BRAP: variants seen among roughly 807,000 people sequenced by gnomAD.
BRAP encodes the protein BRCA1-associated protein.
In BRAP, 42 loss-of-function variants were observed where a neutral mutation model predicts 73.4. That is an observed-to-expected ratio of 0.57 (90% CI 0.45 to 0.74). BRAP has a LOEUF of 0.74. BRAP is among the 30% of genes least tolerant of loss of function. The pLI, the probability that BRAP is intolerant of heterozygous loss-of-function variation, is 0.00. For synonymous variants in BRAP, 255 were observed against 267.4 expected (o/e 0.95, Z 0.45); for missense variants, 593 against 751.4 (o/e 0.79, Z 2.46).
chr12:111,682,705 A>T (rs373638513), intron 2 of BRAP, among the ~76,000 whole-genome samples: 1 of 151,990 alleles, frequency 6.6e-6, no homozygotes, highest in Non-Finnish European at 1.5e-5. Flanking sequence ...TGAGACCAGG[A>T]GTATGAGACC....
At chr12:111,655,855 C>T (rs1308404799) in intron 9 of BRAP, among the ~76,000 whole-genome samples, 200 bp from the exon 10 acceptor site, 2 of 152,196 alleles carry the variant, frequency 1.3e-5, no homozygotes, top group Non-Finnish European at 2.9e-5. Flanking sequence ...CTTCCTGGGG[C>T]TTACAATCTA....
intron 6 of BRAP, among the ~76,000 whole-genome samples, chr12:111,660,974 T>A (rs867596725): frequency 1.3e-5 from 2 of 151,974 alleles, no homozygotes; most frequent in Middle Eastern, 6.8e-3. Context: ...CATGTCTGAT[T>A]ATTTATAATT....
intron 5 of BRAP, among the ~76,000 whole-genome samples, chr12:111,670,619 T>G (rs7959261): frequency 1.3e-5 from 2 of 152,104 alleles, no homozygotes; most frequent in Non-Finnish European, 2.9e-5. Flanking sequence ...GCCTCCGGAG[T>G]AGCTGAGACT....
rs1226861863 is a variant in BRAP at position 111,683,270 on chromosome 12, T to C, written c.120A>G (p.Thr40=). 1 of 1,612,914 alleles carries C rather than the reference T, an allele frequency of 6.2e-7. No individual in the cohort carries two copies. Among genetic ancestry groups the C allele is most frequent in the African/African-American group, 1.3e-5 (1 of 74,818 alleles). The change falls in exon 2 of 12, where the codon ACA becomes ACG. Residue 40 remains threonine, a synonymous_variant. Coordinates refer to ENST00000419234, the MANE Select transcript of BRAP (RefSeq NM_006768.5). ...CTAAACAGGCTACAGCTGAGGCTAG[T>C]GTCGTCTTTTTTATCTCCTCATCAG... ...EMSDEEIKKT[T]LASAVACLEG...
Position 111,665,938 on chromosome 12 carries a change from G to T in BRAP, c.748-151C>A. ...GCTCATTACAGCCTTGACCTCCCAG[G>T]CTCAAGAGATCTGCCCACCTCAGGC... On this transcript the variant is annotated intron_variant, in intron 5 of 11. Transcript: ENST00000419234. This position sits in a 1 kb window ranked among gnomAD's most constrained non-coding sequence, Gnocchi z 4.3. 1 of 1,095,612 alleles carries T rather than the reference G, an allele frequency of 9.1e-7. No individual in the cohort carries two copies. Among genetic ancestry groups the T allele is most frequent in the Non-Finnish European group, 1.3e-6 (1 of 773,222 alleles). 67.9% of individuals were successfully genotyped at this position (1,095,612 alleles called of 1,614,324 possible).
intron 11 of BRAP, 85 bp from the exon 12 acceptor site, chr12:111,644,647 C>G (rs1418400648): frequency 6.5e-7 from 1 of 1,538,404 alleles, no homozygotes; most frequent in Non-Finnish European, 8.7e-7. Context: ...ACAGAGAAAC[C>G]ATGACCTCAG....
chr12:111,667,516 G>A (rs887713191), intron 5 of BRAP, among the ~76,000 whole-genome samples: 1 of 151,106 alleles, frequency 6.6e-6, no homozygotes, highest in Non-Finnish European at 1.5e-5. Flanking sequence ...CTGGCCAAGA[G>A]GGTGAAACCC....
At chr12:111,649,511 G>A (rs1176765216) in intron 11 of BRAP, among the ~76,000 whole-genome samples, 2 of 152,170 alleles carry the variant, frequency 1.3e-5, no homozygotes, top group Non-Finnish European at 2.9e-5. Flanking sequence ...GAATGTTATC[G>A]CCATGCTGTT....
chr12:111,665,795 A>G lies in BRAP; in HGVS notation c.748-8T>C, dbSNP rs1164024571. On this transcript the variant is annotated splice_polypyrimidine_tract_variant and splice_region_variant and intron_variant, in intron 5 of 11. Coordinates refer to ENST00000419234, the MANE Select transcript of BRAP (RefSeq NM_006768.5). The surrounding 1 kb of genome is among the most constrained non-coding windows in gnomAD (Gnocchi z 4.3). ...CACTGGGAGGCTGGCGCCCTACAGGAAACACCTCACATAAGCCTCACTCTT... is the reference window on the plus strand; with the variant it reads ...CACTGGGAGGCTGGCGCCCTACAGGGAACACCTCACATAAGCCTCACTCTT... The G allele has an allele frequency of 1.9e-6, 3 of 1,614,172 alleles. No individual in the cohort carries two copies. Among genetic ancestry groups the G allele is most frequent in the East Asian group, 2.2e-5 (1 of 44,880 alleles).
chr12:111,670,049 A>G, intron 5 of BRAP: 1 of 628,752 alleles, frequency 1.6e-6, no homozygotes, highest in East Asian at 3.5e-5. Context: ...CTTCATTAAA[A>G]GCTGCTGCTC....
chr12:111,679,381 A>G (rs1887514728), intron 3 of BRAP, 41 bp from the exon 4 acceptor site: 3 of 1,386,000 alleles, frequency 2.2e-6, no homozygotes, highest in Non-Finnish European at 2.9e-6. Flanking sequence ...TAGATGAGGT[A>G]TGGTTAGTTT....
Position 111,685,897 on chromosome 12 carries a change from T to G in BRAP, c.-105A>C. 3.0e-6 allele frequency: 2 copies of G among 665,244 alleles called. No individual in the cohort carries two copies. The highest frequency in any genetic ancestry group is 2.2e-6 in the Non-Finnish European group (1 of 455,244). The allele number at this position is 665,244 out of a possible 1,614,324, so 41.2% of individuals were successfully genotyped here. On this transcript the variant is annotated 5_prime_UTR_variant, in exon 1 of 12. Coordinates refer to ENST00000419234, the MANE Select transcript of BRAP (RefSeq NM_006768.5). Reference sequence around the variant, plus strand: ...GCCGGCAGCGCCGCCACCACCTCAATGCAGTTGCCGCCGCCTCAGCAGCAG... The same window carrying G: ...GCCGGCAGCGCCGCCACCACCTCAAGGCAGTTGCCGCCGCCTCAGCAGCAG...
Position 111,665,623 on chromosome 12 carries a change from C to A in BRAP, c.896+16G>T, listed in dbSNP as rs199656597. On this transcript the variant is annotated intron_variant, in intron 6 of 11. Transcript: ENST00000419234. The surrounding 1 kb of genome is among the most constrained non-coding windows in gnomAD (Gnocchi z 4.3). ...CAATGGGCTTGTACACAGAGGGGTT[C>A]GGCCCCTGCACTCACGTGGTATCGT... The A allele has an allele frequency of 2.5e-6, 4 of 1,613,824 alleles. No homozygotes were observed. The East Asian group carries it at 6.7e-5, about 27-fold the overall frequency.
rs540882658 is a variant in BRAP, at chr12:111,678,967, G to A, written c.633+184C>T. Among the ~76,000 whole-genome samples, 3 of 151,760 alleles carry A rather than the reference G, an allele frequency of 2.0e-5. No homozygotes were observed. The East Asian group carries it at 5.8e-4, about 30-fold the overall frequency. ...CATCTCTACCGAAAAAAAAAAAAGT[G>A]TATACGTTATAATTGTATTTCTGCT... On this transcript the variant is annotated intron_variant, in intron 4 of 11. Transcript: ENST00000419234.
intron 4 of BRAP, chr12:111,673,439 G>A (rs959696071): frequency 2.0e-5 from 3 of 151,134 alleles, no homozygotes. Flanking sequence ...AGGATGCAGA[G>A]GTTGCGATGA....
In BRAP at chr12:111,662,968, CT is replaced by C. The variant is rs1305847442; in HGVS notation, c.897-2294del. The stretch of plus-strand genomic sequence containing the variant: ...TCTAAAAAAAAAAAAAAACAAAAAA[CT>C]AAAAACAACAGAATTAGATTTCAGA... On this transcript the variant is annotated intron_variant, in intron 6 of 11. Transcript: ENST00000419234. Among the ~76,000 whole-genome samples, 8 of 143,744 alleles carry C rather than the reference CT, an allele frequency of 5.6e-5. 1 individual carries two copies. The South Asian group carries it at 1.6e-3, about 28-fold the overall frequency. 94.3% of individuals were successfully genotyped at this position (143,744 alleles called of 152,430 possible). A position where few individuals can be genotyped will look rare whatever the true frequency, so the allele number is the denominator to read the frequency against.
At position 111,669,904 on chromosome 12, in the gene BRAP, T is replaced by C. The variant is rs1887103813; in HGVS notation, c.747+2757A>G. The C allele has an allele frequency of 2.5e-5, 16 of 648,086 alleles. 1 individual carries two copies. In the East Asian group the frequency reaches 3.0e-4, roughly 12 times the overall value. The allele number at this position is 648,086 out of a possible 1,614,324, so 40.1% of individuals were successfully genotyped here. ...CATAAGATTTTATATTTCGCTCCCA[T>C]AGCTTCTGGTTATCAAAAAACCCAT... On this transcript the variant is annotated intron_variant, in intron 5 of 11. Transcript: ENST00000419234.
chr12:111,669,688 TA>T (rs948732035), intron 5 of BRAP, among the ~76,000 whole-genome samples: 14 of 152,246 alleles, frequency 9.2e-5, no homozygotes, highest in African/African-American at 2.6e-4. Context: ...AAATTACCTC[TA>T]ATTTTGAACC....
chr12:111,683,119 G>C lies in BRAP; in HGVS notation c.244+27C>G, dbSNP rs1887666418. The C allele has an allele frequency of 4.4e-6, 7 of 1,601,118 alleles. No individual in the cohort carries two copies. The African/African-American group carries it at 9.4e-5, about 22-fold the overall frequency. ...GGCAACCAGTGTTCACATTACAAAA[G>C]AGAGTCCAGGGTTTTAGAAAGCATA... On this transcript the variant is annotated intron_variant, in intron 2 of 11. Transcript: ENST00000419234.
Sources: allele counts gnomAD v4.1 joint callset (sites outside exome capture counted in the v4.1 genomes callset), GRCh38; gene constraint gnomAD v4.1.1; non-coding constraint Gnocchi (gnomAD v3.1); transcripts MANE v1.5; gene names NCBI Gene and HGNC (gene_info 2026-07-23, HGNC 2026-07-21).